Variants in CHN2 observed in about 807,000 individuals in gnomAD.
CHN2 encodes chimerin 2.
In CHN2, 35 loss-of-function variants were observed where a neutral mutation model predicts 56.3. The observed-to-expected ratio is 0.62, with a 90% confidence interval of 0.47 to 0.82. The LOEUF is 0.82. Ranked by LOEUF, CHN2 falls within the 40% of genes least tolerant of loss-of-function variation. CHN2 has a pLI of 0.00. For missense variants in CHN2, 491 were observed against 580.5 expected (o/e 0.85, Z 1.58); for synonymous variants, 210 against 212.8 (o/e 0.99, Z 0.12).
chr7:29,261,432 G>A (rs77385646), intron 1 of CHN2, among the ~76,000 whole-genome samples: 2,900 of 152,284 alleles, frequency 0.019, 93 homozygotes, highest in African/African-American at 0.067. Flanking sequence ...TCCTCCAGCA[G>A]GGCCCTGTCT....
intron 1 of CHN2, chr7:29,334,382 G>C (rs1032653453): frequency 6.6e-6 from 1 of 152,098 alleles, no homozygotes; most frequent in Middle Eastern, 3.2e-3. Flanking sequence ...GAAAATGTTG[G>C]CATATCAAGT....
intron 2 of CHN2, among the ~76,000 whole-genome samples, chr7:29,163,489 C>T (rs1795479444): frequency 6.6e-6 from 1 of 152,052 alleles, no homozygotes; most frequent in Non-Finnish European, 1.5e-5. Context: ...TGAAAATTGA[C>T]ACATATGTTA....
At chr7:29,240,517 T>C (rs1252804354) in intron 1 of CHN2, among the ~76,000 whole-genome samples, 2 of 152,228 alleles carry the variant, frequency 1.3e-5, no homozygotes, top group African/African-American at 4.8e-5. Context: ...ATATATTTTT[T>C]CAACAATTAT....
intron 2 of CHN2, among the ~76,000 whole-genome samples, chr7:29,177,358 A>G (rs1415962056): frequency 6.6e-6 from 1 of 151,976 alleles, no homozygotes; most frequent in Non-Finnish European, 1.5e-5. Flanking sequence ...GGTTCAAGCA[A>G]TTCTCCTGCC....
intron 6 of CHN2, among the ~76,000 whole-genome samples, chr7:29,408,900 A>G (rs942970760): frequency 7.9e-5 from 12 of 152,232 alleles, no homozygotes; most frequent in African/African-American, 1.9e-4. Context: ...GGAAACAGCT[A>G]ATTTAGAGAC....
intron 1 of CHN2, chr7:29,212,404 A>G (rs771830828): frequency 1.4e-4 from 233 of 1,607,286 alleles, no homozygotes; most frequent in Non-Finnish European, 1.9e-4. Flanking sequence ...GAAGAAAACT[A>G]TCCATCCTTG....
chr7:29,417,095 C>CCT lies in CHN2; in HGVS notation c.576+16271_576+16272dup, dbSNP rs1803832204. 1.3e-5 allele frequency among the ~76,000 whole-genome samples: 2 copies of CCT among 152,212 alleles called. 1 individual carries two copies. Among genetic ancestry groups the CCT allele is most frequent in the African/African-American group, 4.8e-5 (2 of 41,440 alleles). ...AATACCAGCTACCTCTGCAGCGCGT[C>CCT]CTCTCCTTCTGGCTCCCCTGCCAGG... On this transcript the variant is annotated intron_variant, in intron 6 of 12. Transcript: ENST00000222792.
intron 1 of CHN2, among the ~76,000 whole-genome samples, chr7:29,305,509 T>A (rs1280125054): frequency 6.6e-6 from 1 of 152,182 alleles, no homozygotes; most frequent in East Asian, 1.9e-4. Context: ...AGCTTGTGAT[T>A]TGGAAGAAAA....
intron 2 of CHN2, among the ~76,000 whole-genome samples, chr7:29,364,024 A>G (rs772775954): frequency 1.3e-5 from 2 of 152,184 alleles, no homozygotes; most frequent in Non-Finnish European, 2.9e-5. Flanking sequence ...AATTAAACCA[A>G]CAAACAGACC....
intron 1 of CHN2, among the ~76,000 whole-genome samples, chr7:29,211,450 GCACACACACACACACACA>G (rs148200755): frequency 8.0e-5 from 11 of 138,360 alleles, no homozygotes; most frequent in African/African-American, 2.4e-4. Context: ...CTGCATGTTG[GCACACACACACACACACA>G]CACACACACA....
chr7:29,507,213 CTGAT>C lies in CHN2; in HGVS notation c.992-12_992-9del, dbSNP rs1562673766. On this transcript the variant is annotated splice_polypyrimidine_tract_variant and intron_variant, in intron 10 of 12. Coordinates refer to ENST00000222792, the MANE Select transcript of CHN2 (RefSeq NM_004067.4). ...AAGGTCCTAATTAGGACTTGGATCA[CTGAT>C]TGTTTTTCAGATGGTGAAAAGGCCG... 1 of 1,596,196 alleles carries C rather than the reference CTGAT, an allele frequency of 6.3e-7. No homozygotes were observed. Among genetic ancestry groups the C allele is most frequent in the East Asian group, 2.3e-5 (1 of 44,378 alleles).
intron 3 of CHN2, among the ~76,000 whole-genome samples, chr7:29,390,830 C>T (rs1364733259): frequency 6.6e-6 from 1 of 152,028 alleles, no homozygotes; most frequent in Non-Finnish European, 1.5e-5. Flanking sequence ...CTTGGCAGAC[C>T]TTTGTCCCTG....
chr7:29,323,837 AATACAG>A (rs3047925), intron 1 of CHN2, among the ~76,000 whole-genome samples: 136,221 of 151,216 alleles, frequency 0.9, 61,504 homozygotes, highest in East Asian at 1. Flanking sequence ...TTCTACTAAA[AATACAG>A]ATACAGAAAA....
At chr7:29,221,436 T>A (rs2128792360) in intron 1 of CHN2, among the ~76,000 whole-genome samples, 1 of 152,336 alleles carries the variant, frequency 6.6e-6, no homozygotes, top group East Asian at 1.9e-4. Flanking sequence ...AAAAATCAAG[T>A]ACCTAGTAGT....
chr7:29,159,358 G>C (rs1794866542), intron 2 of CHN2, among the ~76,000 whole-genome samples: 1 of 152,172 alleles, frequency 6.6e-6, no homozygotes. Flanking sequence ...TGGCATCACA[G>C]AGCCTTCATG....
intron 2 of CHN2, among the ~76,000 whole-genome samples, chr7:29,155,183 C>T (rs1310677765): frequency 1.3e-5 from 2 of 152,062 alleles, no homozygotes; most frequent in Non-Finnish European, 2.9e-5. Context: ...CAAACCATAT[C>T]ACTCCATCTC....
intron 6 of CHN2, among the ~76,000 whole-genome samples, chr7:29,476,929 A>T (rs1017945943): frequency 6.6e-5 from 10 of 152,206 alleles, no homozygotes; most frequent in African/African-American, 2.2e-4. Flanking sequence ...TATATATTAA[A>T]ATAGGTCAGG....
chr7:29,424,471 C>T (rs1804648838), intron 6 of CHN2, among the ~76,000 whole-genome samples: 1 of 152,188 alleles, frequency 6.6e-6, no homozygotes, highest in Non-Finnish European at 1.5e-5. Flanking sequence ...TGAGATCCCA[C>T]TTTCGGTGGC....
intron 6 of CHN2, among the ~76,000 whole-genome samples, chr7:29,406,477 A>G (rs950431330): frequency 6.6e-6 from 1 of 152,120 alleles, no homozygotes; most frequent in African/African-American, 2.4e-5. Flanking sequence ...GGTGGGTGCC[A>G]TGGGCATCCC....
Sources: gnomAD v4.1 joint callset for allele counts (sites outside exome capture counted in the v4.1 genomes callset) on GRCh38, gnomAD v4.1.1 for gene constraint, MANE v1.5 for transcripts, NCBI Gene and HGNC (gene_info 2026-07-23, HGNC 2026-07-21) for gene names.